Variants in SFMBT2 observed in about 807,000 individuals in gnomAD.
SFMBT2 encodes Scm like with four mbt domains 2, also known as scm-like with four MBT domains protein 2.
A neutral mutation model predicts 110.1 loss-of-function variants in SFMBT2; 38 were observed. That is an observed-to-expected ratio of 0.35 (90% CI 0.27 to 0.45). SFMBT2 has a LOEUF of 0.45. Among genes scored for constraint, SFMBT2 ranks in the 20% least tolerant of loss-of-function variants. The probability of loss-of-function intolerance (pLI) is 1.00; values close to 1 mark genes in which losing one functional copy is unlikely to be tolerated. For missense variants in SFMBT2, 1,011 were observed against 1,094.9 expected (o/e 0.92, Z 1.08); for synonymous variants, 425 against 425.4 (o/e 1.00, Z 0.01).
At chr10:7,405,805 T>C (rs1262807558) in intron 1 of SFMBT2, among the ~76,000 whole-genome samples, 1 of 150,564 alleles carries the variant, frequency 6.6e-6, no homozygotes, top group Non-Finnish European at 1.5e-5. Flanking sequence ...CATGTCCACC[T>C]ACACACTAGG....
intron 20 of SFMBT2, among the ~76,000 whole-genome samples, chr10:7,164,838 A>C (rs1249494158): frequency 2.0e-5 from 3 of 152,022 alleles, no homozygotes; most frequent in Non-Finnish European, 4.4e-5. Context: ...GCTCGTACAC[A>C]GATCTGTTGC....
At chr10:7,313,490 G>C (rs1842909455) in intron 4 of SFMBT2, among the ~76,000 whole-genome samples, 1 of 152,168 alleles carries the variant, frequency 6.6e-6, no homozygotes, top group Non-Finnish European at 1.5e-5. Context: ...GATAGTTTTT[G>C]TGTTTTCTCT....
At chr10:7,331,251 A>G (rs1277633516) in intron 4 of SFMBT2, among the ~76,000 whole-genome samples, 1 of 152,224 alleles carries the variant, frequency 6.6e-6, no homozygotes, top group African/African-American at 2.4e-5. Flanking sequence ...ACTCGATGGC[A>G]CACACCATTA....
At position 7,321,988 on chromosome 10, in the gene SFMBT2, C is replaced by G. The variant is rs1843204539; in HGVS notation, c.437-36034G>C. Among the ~76,000 whole-genome samples, 2 of 152,154 alleles carry G rather than the reference C, an allele frequency of 1.3e-5. 1 individual carries two copies. The highest frequency in any genetic ancestry group is 2.9e-5 in the Non-Finnish European group (2 of 68,044). ...TGACCTCTAAATGTATGCAGAATGT[C>G]ATAAAATGACAAATAGGACCAGCAC... On this transcript the variant is annotated intron_variant, in intron 4 of 20. Transcript: ENST00000397167.
intron 4 of SFMBT2, among the ~76,000 whole-genome samples, chr10:7,316,522 G>A (rs948885347): frequency 6.6e-6 from 1 of 152,158 alleles, no homozygotes; most frequent in African/African-American, 2.4e-5. Context: ...GGGACGACAG[G>A]CCAGCCACGG....
chr10:7,199,620 A>G (rs1249016179), intron 14 of SFMBT2, among the ~76,000 whole-genome samples: 1 of 152,256 alleles, frequency 6.6e-6, no homozygotes, highest in Non-Finnish European at 1.5e-5. Context: ...CAGGAAAAAT[A>G]ATGAAGTCCA....
Position 7,408,662 on chromosome 10 carries a change from G to C in SFMBT2, c.-52+2199C>G, listed in dbSNP as rs898355708. On this transcript the variant is annotated intron_variant, in intron 1 of 20. Transcript: ENST00000397167. This position sits in a 1 kb window ranked among gnomAD's most constrained non-coding sequence, Gnocchi z 5.7. ...GACCTCTGTTCAGCGGCCGCGTCCT[G>C]GCCACGGGCGACCCCTGTCGGGAAC... 2.0e-5 allele frequency: 3 copies of C among 152,172 alleles called. No homozygotes were observed. The highest frequency in any genetic ancestry group is 4.4e-5 in the Non-Finnish European group (3 of 68,030). 9.4% of individuals were successfully genotyped at this position (152,172 alleles called of 1,614,324 possible).
intron 4 of SFMBT2, among the ~76,000 whole-genome samples, chr10:7,340,214 G>A (rs1373227632): frequency 5.9e-5 from 9 of 152,108 alleles, no homozygotes; most frequent in Admixed American, 2.0e-4. Flanking sequence ...AAAAGGAAGC[G>A]AAAATATATT....
At chr10:7,297,214 G>C (rs907673187) in intron 4 of SFMBT2, among the ~76,000 whole-genome samples, 14 of 152,214 alleles carry the variant, frequency 9.2e-5, no homozygotes, top group Non-Finnish European at 1.9e-4. Context: ...ATGCCTTTGA[G>C]AGTGCACAGA....
At chr10:7,284,236 T>C in intron 5 of SFMBT2, 86 bp from the exon 6 acceptor site, 1 of 1,543,968 alleles carries the variant, frequency 6.5e-7, no homozygotes, top group Non-Finnish European at 8.7e-7. Flanking sequence ...ATAATATTTT[T>C]TCACACCATC....
Position 7,301,582 on chromosome 10 carries a change from C to T in SFMBT2, c.437-15628G>A, listed in dbSNP as rs189188253. The stretch of plus-strand genomic sequence containing the variant: ...CAGGTCCCCGGGGCCGGCAAATTCG[C>T]GGAACACCAGCCAGGGGCATCTCCG... On this transcript the variant is annotated intron_variant, in intron 4 of 20. Coordinates refer to ENST00000397167, the MANE Select transcript of SFMBT2 (RefSeq NM_001387889.1). The surrounding 1 kb of genome is among the most constrained non-coding windows in gnomAD (Gnocchi z 4.2). Among the ~76,000 whole-genome samples the T allele has an allele frequency of 2.7e-3, 405 of 152,284 alleles. No individual in the cohort carries two copies. Among genetic ancestry groups the T allele is most frequent in the Admixed American group, 5.8e-3 (89 of 15,312 alleles).
At chr10:7,404,405 C>T (rs1461341499) in intron 1 of SFMBT2, among the ~76,000 whole-genome samples, 3 of 152,178 alleles carry the variant, frequency 2.0e-5, no homozygotes, top group Non-Finnish European at 4.4e-5. Context: ...GAAGGCATAC[C>T]TTAATATCTG....
At chr10:7,200,997 T>A (rs1268372603) in intron 13 of SFMBT2, 1 of 194,106 alleles carries the variant, frequency 5.2e-6, no homozygotes, top group Non-Finnish European at 9.4e-6. Context: ...TAACATAGGC[T>A]TATTCCAGGA....
intron 1 of SFMBT2, among the ~76,000 whole-genome samples, chr10:7,396,825 C>T (rs1352678235): frequency 6.7e-6 from 1 of 148,948 alleles, no homozygotes; most frequent in African/African-American, 2.5e-5. Context: ...CATGTTCTCA[C>T]TCATAGGTGG....
At chr10:7,374,858 T>C (rs1301398844) in intron 2 of SFMBT2, among the ~76,000 whole-genome samples, 1 of 152,224 alleles carries the variant, frequency 6.6e-6, no homozygotes, top group East Asian at 1.9e-4. Flanking sequence ...CGTACAACCC[T>C]TCCCCAGGCC....
At chr10:7,214,487 T>G in intron 11 of SFMBT2, 3 of 878,730 alleles carry the variant, frequency 3.4e-6, no homozygotes, top group Non-Finnish European at 4.1e-6. Flanking sequence ...TTTCTTAAGA[T>G]GGGCAAAGGA....
intron 2 of SFMBT2, among the ~76,000 whole-genome samples, chr10:7,372,506 C>G (rs1331434570): frequency 6.6e-6 from 1 of 152,216 alleles, no homozygotes; most frequent in Non-Finnish European, 1.5e-5. Flanking sequence ...CAGGGATTGA[C>G]GCCCTTCAAA....
rs117770989 is a variant in SFMBT2 at position 7,383,186 on chromosome 10, C to A, written c.-51-1237G>T. Reference sequence around the variant, plus strand: ...GGTAAAATATCTTTTAAAAAACATTCGGAGGTTTTGTCAAAATTGAAGATT... The same window carrying A: ...GGTAAAATATCTTTTAAAAAACATTAGGAGGTTTTGTCAAAATTGAAGATT... On this transcript the variant is annotated intron_variant, in intron 1 of 20. Transcript: ENST00000397167. 4.6e-5 allele frequency among the ~76,000 whole-genome samples: 7 copies of A among 152,204 alleles called. No homozygotes were observed. In the East Asian group the frequency reaches 1.4e-3, roughly 29 times the overall value.
chr10:7,384,238 A>AAAAAAAAAAAT (rs1554812962), intron 1 of SFMBT2, among the ~76,000 whole-genome samples: 84 of 145,510 alleles, frequency 5.8e-4, no homozygotes, highest in Non-Finnish European at 1.0e-3. Flanking sequence ...AAAAAAAAAA[A>AAAAAAAAAAAT]CAACCACAGA....
Sources: allele counts gnomAD v4.1 joint callset (sites outside exome capture counted in the v4.1 genomes callset), GRCh38; gene constraint gnomAD v4.1.1; non-coding constraint Gnocchi (gnomAD v3.1); transcripts MANE v1.5; gene names NCBI Gene and HGNC (gene_info 2026-07-23, HGNC 2026-07-21).